The following HOMER2 variants were observed in gnomAD, a reference collection of about 807,000 sequenced individuals.
HOMER2 encodes the protein homer protein homolog 2.
Under a neutral mutation model 47.0 loss-of-function variants are expected in HOMER2, and 27 were observed. The observed-to-expected ratio is 0.57, with a 90% confidence interval of 0.42 to 0.79. The LOEUF is 0.79. Among genes scored for constraint, HOMER2 ranks in the 30% least tolerant of loss-of-function variants. The probability of loss-of-function intolerance (pLI) is 0.00; values close to 1 mark genes in which losing one functional copy is unlikely to be tolerated. For missense variants in HOMER2, 443 were observed against 435.0 expected (o/e 1.02, Z -0.16); for synonymous variants, 161 against 163.8 (o/e 0.98, Z 0.13).
chr15:82,914,119 G>C (rs540616335), intron 1 of HOMER2, among the ~76,000 whole-genome samples: 1 of 151,486 alleles, frequency 6.6e-6, no homozygotes, highest in Non-Finnish European at 1.5e-5. Context: ...GGCAGATCAC[G>C]AGGTCAGGAG....
chr15:82,936,012 A>G (rs1459255756), intron 1 of HOMER2, among the ~76,000 whole-genome samples: 1 of 152,176 alleles, frequency 6.6e-6, no homozygotes, highest in Non-Finnish European at 1.5e-5. Flanking sequence ...CCGCCAGTCC[A>G]TGCCTCAGCT....
intron 1 of HOMER2, among the ~76,000 whole-genome samples, chr15:82,979,874 CAGG>C (rs755026643): frequency 2.0e-5 from 3 of 152,014 alleles, no homozygotes; most frequent in Non-Finnish European, 4.4e-5. Context: ...TTCTCACAAG[CAGG>C]AGTATTTATG....
At chr15:82,918,601 C>A (rs1402400873) in intron 1 of HOMER2, among the ~76,000 whole-genome samples, 1 of 152,102 alleles carries the variant, frequency 6.6e-6, no homozygotes, top group Non-Finnish European at 1.5e-5. Context: ...GTGATGACAC[C>A]TGAATGTGTA....
rs11422973 is a variant in HOMER2 at position 82,976,678 on chromosome 15, G to GTT, written n.82+9107_82+9108dup. ...GATTAGATCTTAAGATTTGTGTGTG[G>GTT]TTTTTTTTTTTTTTTTTTGAGACAG... On this transcript the variant is annotated intron_variant and non_coding_transcript_variant, in intron 1 of 1. Coordinates refer to the HOMER2 transcript ENST00000500334. Among the ~76,000 whole-genome samples, 539 of 125,116 alleles carry GTT rather than the reference G, an allele frequency of 4.3e-3. 7 individuals are homozygous for GTT. Among genetic ancestry groups the GTT allele is most frequent in the South Asian group, 6.2e-3 (25 of 4,024 alleles). 82.1% of individuals were successfully genotyped at this position (125,116 alleles called of 152,430 possible). A position where few individuals can be genotyped will look rare whatever the true frequency, so the allele number is the denominator to read the frequency against.
intron 1 of HOMER2, among the ~76,000 whole-genome samples, chr15:82,967,872 G>T (rs189816072): frequency 4.0e-5 from 6 of 150,358 alleles, no homozygotes; most frequent in Middle Eastern, 3.5e-3. Context: ...GCAAGACTCT[G>T]TCTCAGGAAA....
intron 1 of HOMER2, among the ~76,000 whole-genome samples, chr15:82,948,082 T>C (rs2054420794): frequency 6.6e-6 from 1 of 152,006 alleles, no homozygotes; most frequent in African/African-American, 2.4e-5. Context: ...CCATCTCTAC[T>C]AAAAATACAA....
At chr15:82,861,129 T>C (rs2151627629) in intron 4 of HOMER2, among the ~76,000 whole-genome samples, 1 of 152,140 alleles carries the variant, frequency 6.6e-6, no homozygotes, top group South Asian at 2.1e-4. Flanking sequence ...CAGGTGGGAG[T>C]TAGAATGGTG....
chr15:82,949,502 C>T (rs930824211), intron 1 of HOMER2, among the ~76,000 whole-genome samples: 18 of 152,056 alleles, frequency 1.2e-4, no homozygotes, highest in African/African-American at 4.4e-4. Flanking sequence ...ATCTGGCAAC[C>T]CCCTGGTCAC....
intron 1 of HOMER2, among the ~76,000 whole-genome samples, chr15:82,970,879 A>G (rs1364242631): frequency 6.6e-6 from 1 of 152,226 alleles, no homozygotes; most frequent in Non-Finnish European, 1.5e-5. Flanking sequence ...GGCCCAAGAT[A>G]AATAAGCCTT....
rs1005001568 is a variant in HOMER2 at position 82,852,250 on chromosome 15, A to G, written c.654T>C (p.Ile218=). The G allele has an allele frequency of 1.9e-6, 3 of 1,609,424 alleles. No homozygotes were observed. In the African/African-American group the frequency reaches 4.0e-5, roughly 21 times the overall value. ...CACTGCATTGTTCTTCCAGCTCATC[A>G]ATCTTCAATACACACCACACAGGAA... ...RDENDRLRNK[I]DELEEQCSEI... Residue 218 remains isoleucine (I), a splice_region_variant and synonymous_variant, in exon 7 of 9, where the codon ATT becomes ATC. Coordinates refer to ENST00000450735, the MANE Select transcript of HOMER2 (RefSeq NM_004839.4).
intron 1 of HOMER2, among the ~76,000 whole-genome samples, chr15:82,935,327 A>ACC (rs2054118507): frequency 6.6e-6 from 1 of 151,658 alleles, no homozygotes; most frequent in African/African-American, 2.4e-5. Context: ...TGCTTAGGAC[A>ACC]CTTCTCCACT....
intron 1 of HOMER2, among the ~76,000 whole-genome samples, chr15:82,984,069 G>A (rs1304294627): frequency 6.9e-6 from 1 of 145,554 alleles, no homozygotes; most frequent in African/African-American, 2.6e-5. Flanking sequence ...GTCTTGCTCT[G>A]TCACCCAGGC....
At chr15:82,984,035 A>ATTTT (rs1314984974) in intron 1 of HOMER2, among the ~76,000 whole-genome samples, 1 of 145,638 alleles carries the variant, frequency 6.9e-6, no homozygotes, top group Admixed American at 6.9e-5. Flanking sequence ...TATTATTATT[A>ATTTT]TTTTTTTTTT....
At chr15:82,947,009 G>A (rs975618515) in intron 1 of HOMER2, among the ~76,000 whole-genome samples, 19 of 152,342 alleles carry the variant, frequency 1.2e-4, no homozygotes, top group African/African-American at 4.3e-4. Context: ...TGGTACTTGT[G>A]TATGTAGTTT....
intron 5 of HOMER2, among the ~76,000 whole-genome samples, chr15:82,855,646 GGAGA>G (rs781528044): frequency 6.6e-6 from 1 of 152,236 alleles, no homozygotes; most frequent in Non-Finnish European, 1.5e-5. Flanking sequence ...CTTGGAGACA[GGAGA>G]GAGTGACCAG....
At chr15:82,852,584 A>T (rs1377682659) in intron 6 of HOMER2, 1 of 241,650 alleles carries the variant, frequency 4.1e-6, no homozygotes, top group African/African-American at 2.3e-5. Context: ...TGCTTTAAGG[A>T]TCCATCACAA....
chr15:82,893,834 C>T (rs908458976), intron 1 of HOMER2, among the ~76,000 whole-genome samples: 1 of 152,046 alleles, frequency 6.6e-6, no homozygotes, highest in Admixed American at 6.6e-5. Flanking sequence ...TCTGTGTTGC[C>T]CAGGCTAGTC....
chr15:82,880,229 C>G (rs2052477670), intron 2 of HOMER2, among the ~76,000 whole-genome samples: 1 of 152,178 alleles, frequency 6.6e-6, no homozygotes, highest in South Asian at 2.1e-4. Context: ...ACAAAAGAGT[C>G]AAATATCTGC....
chr15:82,872,067 G>A (rs2052193192), intron 3 of HOMER2, among the ~76,000 whole-genome samples: 1 of 152,088 alleles, frequency 6.6e-6, no homozygotes, highest in Non-Finnish European at 1.5e-5. Flanking sequence ...AAGCTCCCAA[G>A]CCTATTTGCC....
Sources: allele counts gnomAD v4.1 joint callset (sites outside exome capture counted in the v4.1 genomes callset), GRCh38; gene constraint gnomAD v4.1.1; transcripts MANE v1.5; gene names NCBI Gene and HGNC (gene_info 2026-07-23, HGNC 2026-07-21).